Variants in CDH4 observed in about 807,000 individuals in gnomAD.
CDH4 encodes cadherin-4.
In CDH4, 33 loss-of-function variants were observed where a neutral mutation model predicts 86.0. That is an observed-to-expected ratio of 0.38 (90% confidence interval 0.29 to 0.51). CDH4 has a LOEUF of 0.51. Among genes scored for constraint, CDH4 ranks in the 20% least tolerant of loss-of-function variants. The probability of loss-of-function intolerance (pLI) is 0.86; values close to 1 mark genes in which losing one functional copy is unlikely to be tolerated. For missense variants in CDH4, 1,114 were observed against 1,307.4 expected (o/e 0.85, Z 2.28); for synonymous variants, 555 against 549.4 (o/e 1.01, Z -0.14).
At chr20:61,359,458 G>A (rs115707877) in intron 2 of CDH4, among the ~76,000 whole-genome samples, 2,365 of 152,268 alleles carry the variant, frequency 0.016, 43 homozygotes, top group African/African-American at 0.042. Context: ...TCCCCAGCAC[G>A]CAGGCCGCCT....
At chr20:61,717,019 G>A (rs2087963964) in intron 2 of CDH4, among the ~76,000 whole-genome samples, 1 of 152,198 alleles carries the variant, frequency 6.6e-6, no homozygotes, top group African/African-American at 2.4e-5. Context: ...GAAACCCTCT[G>A]CACCCTCGTC....
intron 2 of CDH4, among the ~76,000 whole-genome samples, chr20:61,529,323 A>C (rs2085935470): frequency 6.6e-6 from 1 of 152,240 alleles, no homozygotes; most frequent in African/African-American, 2.4e-5. Flanking sequence ...GGGAACTCAT[A>C]ATAAAACTGG....
chr20:61,662,818 A>G (rs530537031), intron 2 of CDH4, among the ~76,000 whole-genome samples: 1 of 152,106 alleles, frequency 6.6e-6, no homozygotes, highest in Non-Finnish European at 1.5e-5. Context: ...CACCCCAGGG[A>G]GGCTCACACA....
At chr20:61,470,989 G>A (rs1386553769) in intron 2 of CDH4, among the ~76,000 whole-genome samples, 2 of 151,994 alleles carry the variant, frequency 1.3e-5, no homozygotes, top group Non-Finnish European at 2.9e-5. Flanking sequence ...ATATTGGTTT[G>A]TAGGCTTTCT....
intron 2 of CDH4, among the ~76,000 whole-genome samples, chr20:61,598,518 G>A (rs995977784): frequency 1.3e-5 from 2 of 152,142 alleles, no homozygotes; most frequent in Non-Finnish European, 2.9e-5. Context: ...GAAACAAAAG[G>A]GACCTGAGTG....
intron 2 of CDH4, among the ~76,000 whole-genome samples, chr20:61,464,553 C>T (rs1281773126): frequency 6.6e-6 from 1 of 152,190 alleles, no homozygotes; most frequent in African/African-American, 2.4e-5. Flanking sequence ...AGCACTTGGT[C>T]CCTGAGTAGT....
chr20:61,604,424 T>C (rs1189890798), intron 2 of CDH4, among the ~76,000 whole-genome samples: 1 of 152,222 alleles, frequency 6.6e-6, no homozygotes, highest in Admixed American at 6.5e-5. Context: ...GGACTCCAAA[T>C]GGGAACATAC....
intron 6 of CDH4, among the ~76,000 whole-genome samples, chr20:61,869,535 G>A (rs1983705072): frequency 6.6e-6 from 1 of 152,208 alleles, no homozygotes; most frequent in Non-Finnish European, 1.5e-5. Flanking sequence ...TCGTCTGTGG[G>A]ATTCAGTTTC....
At chr20:61,468,989 T>G (rs924053137) in intron 2 of CDH4, among the ~76,000 whole-genome samples, 1 of 152,238 alleles carries the variant, frequency 6.6e-6, no homozygotes, top group Non-Finnish European at 1.5e-5. Context: ...TTCCAAATTT[T>G]GACTGTTGGG....
At chr20:61,795,065 T>G (rs1282882857) in intron 4 of CDH4, among the ~76,000 whole-genome samples, 4 of 12,650 alleles carry the variant, frequency 3.2e-4, no homozygotes, top group African/African-American at 7.8e-4. Context: ...TGATGATGGT[T>G]ATAATGGTGA....
intron 2 of CDH4, among the ~76,000 whole-genome samples, chr20:61,616,486 T>C (rs1032410463): frequency 2.4e-4 from 36 of 152,156 alleles, no homozygotes; most frequent in African/African-American, 8.4e-4. Context: ...GAAGGCCCTT[T>C]TTTCCTCCAC....
intron 2 of CDH4, among the ~76,000 whole-genome samples, chr20:61,367,397 T>TA (rs940741037): frequency 6.6e-5 from 10 of 150,932 alleles, no homozygotes; most frequent in African/African-American, 1.7e-4. Context: ...TGAAGCCAAT[T>TA]AAAAAAAAAC....
intron 2 of CDH4, among the ~76,000 whole-genome samples, chr20:61,638,767 G>T (rs2086975249): frequency 1.3e-5 from 2 of 152,194 alleles, no homozygotes; most frequent in Non-Finnish European, 2.9e-5. Flanking sequence ...CAAAACAGAG[G>T]TGCTCTATGG....
chr20:61,649,498 T>G (rs1158340955), intron 2 of CDH4, among the ~76,000 whole-genome samples: 1 of 152,216 alleles, frequency 6.6e-6, no homozygotes, highest in African/African-American at 2.4e-5. Flanking sequence ...GGTCACCGCT[T>G]ATCAGTTGTC....
intron 4 of CDH4, among the ~76,000 whole-genome samples, chr20:61,843,246 C>G (rs891790062): frequency 6.6e-6 from 1 of 150,824 alleles, no homozygotes; most frequent in African/African-American, 2.4e-5. Flanking sequence ...GTCAGGAGAT[C>G]GAGACCATCC....
At chr20:61,404,484 T>G (rs1179420868) in intron 2 of CDH4, among the ~76,000 whole-genome samples, 1 of 152,164 alleles carries the variant, frequency 6.6e-6, no homozygotes, top group African/African-American at 2.4e-5. Flanking sequence ...CCAGTGCACC[T>G]GGCTCCGGCC....
At chr20:61,449,052 TCACA>T (rs2085366612) in intron 2 of CDH4, among the ~76,000 whole-genome samples, 1 of 152,186 alleles carries the variant, frequency 6.6e-6, no homozygotes, top group Non-Finnish European at 1.5e-5. Context: ...TTCTGTCACT[TCACA>T]CACAGCCTCT....
chr20:61,747,497 A>C (rs937314867), intron 3 of CDH4, among the ~76,000 whole-genome samples: 4 of 151,962 alleles, frequency 2.6e-5, no homozygotes, highest in African/African-American at 9.7e-5. Context: ...TGGGGCAATC[A>C]GAGAGATTTT....
At chr20:61,566,050 A>G (rs2086295149) in intron 2 of CDH4, among the ~76,000 whole-genome samples, 1 of 152,190 alleles carries the variant, frequency 6.6e-6, no homozygotes, top group South Asian at 2.1e-4. Context: ...ACAGTGCCAC[A>G]GCCGGTGGGT....
Sources: allele counts gnomAD v4.1 joint callset (sites outside exome capture counted in the v4.1 genomes callset), GRCh38; gene constraint gnomAD v4.1.1; transcripts MANE v1.5; gene names NCBI Gene and HGNC (gene_info 2026-07-23, HGNC 2026-07-21).